The following EYS variants were observed in gnomAD, a reference collection of about 807,000 sequenced individuals.
The protein encoded by EYS is EGF-like photoreceptor maintenance factor.
Under a neutral mutation model 282.1 loss-of-function variants are expected in EYS, and 250 were observed. That is an observed-to-expected ratio of 0.89 (90% CI 0.80 to 0.98). The LOEUF (loss-of-function observed/expected upper bound fraction) is 0.98, where lower values mean the gene tolerates loss of function less well. EYS is among the 50% of genes least tolerant of loss of function. EYS has a pLI of 0.00. For synonymous variants in EYS, 1,355 were observed against 1,282.9 expected (o/e 1.06, Z -1.20); for missense variants, 4,016 against 3,709.0 (o/e 1.08, Z -2.15).
Position 63,794,867 on chromosome 6 carries a change from C to T in EYS, c.7412-5643G>A, listed in dbSNP as rs563487321. Among the ~76,000 whole-genome samples, 4 of 152,254 alleles carry T rather than the reference C, an allele frequency of 2.6e-5. 1 individual carries two copies. The South Asian group carries it at 6.2e-4, about 24-fold the overall frequency. On this transcript the variant is annotated intron_variant, in intron 37 of 42. Transcript: ENST00000503581. ...AACCCACAGTGAATCTTAATGAAATCAGCCCTAGGAAGATTTTTAGACAAG... is the reference window on the plus strand; with the variant it reads ...AACCCACAGTGAATCTTAATGAAATTAGCCCTAGGAAGATTTTTAGACAAG...
chr6:63,920,647 A>C (rs981466857), intron 35 of EYS, among the ~76,000 whole-genome samples: 1 of 152,230 alleles, frequency 6.6e-6, no homozygotes, highest in South Asian at 2.1e-4. Flanking sequence ...AGTTGGATTC[A>C]GCTTCCTGAC....
At chr6:64,636,428 CAAA>C (rs1767984374) in intron 22 of EYS, among the ~76,000 whole-genome samples, 1 of 152,130 alleles carries the variant, frequency 6.6e-6, no homozygotes, top group South Asian at 2.1e-4. Context: ...ACATCTTATA[CAAA>C]AATTAATTCA....
Position 64,591,598 on chromosome 6 carries a change from T to C in EYS, c.4269A>G (p.Pro1423=), listed in dbSNP as rs1766412284. 6.4e-7 allele frequency: 1 copy of C among 1,551,070 alleles called. No homozygotes were observed. Among genetic ancestry groups the C allele is most frequent in the Non-Finnish European group, 8.7e-7 (1 of 1,146,716 alleles). ...NCQTVALSAT[P]TTSVIRSIPG... ...GAATGCTTCTAATTACTGAAGTCGTTGGGGTAGCAGATAAAGCAACAGTCT... is the reference window on the plus strand; with the variant it reads ...GAATGCTTCTAATTACTGAAGTCGTCGGGGTAGCAGATAAAGCAACAGTCT... The change falls in exon 26 of 43, where the codon CCA becomes CCG. Residue 1423 remains proline (P), a synonymous_variant. Transcript: ENST00000503581.
intron 12 of EYS, among the ~76,000 whole-genome samples, chr6:65,210,641 A>T (rs1404499875): frequency 2.0e-5 from 3 of 152,024 alleles, no homozygotes; most frequent in Non-Finnish European, 4.4e-5. Flanking sequence ...AAAGAAAATA[A>T]ATAATAGTGT....
chr6:64,066,525 G>A, intron 32 of EYS, 34 bp from the exon 33 acceptor site: 3 of 1,339,200 alleles, frequency 2.2e-6, no homozygotes, highest in Non-Finnish European at 3.1e-6. Context: ...AGTAATTATT[G>A]TAGATTTATA....
At chr6:64,783,130 G>T (rs1773911788) in intron 22 of EYS, among the ~76,000 whole-genome samples, 1 of 151,970 alleles carries the variant, frequency 6.6e-6, no homozygotes, top group Admixed American at 6.6e-5. Context: ...CAGCCATCTT[G>T]GTCATCAGAT....
intron 28 of EYS, among the ~76,000 whole-genome samples, chr6:64,392,161 C>T (rs939614076): frequency 2.5e-5 from 2 of 79,288 alleles, no homozygotes; most frequent in African/African-American, 7.8e-5. Flanking sequence ...ACTTAGACTC[C>T]CACACATTAA....
chr6:64,938,493 A>G (rs972537738), intron 15 of EYS, among the ~76,000 whole-genome samples: 2 of 151,674 alleles, frequency 1.3e-5, no homozygotes, highest in Admixed American at 6.6e-5. Context: ...TACATAATTT[A>G]TATATAGATG....
intron 35 of EYS, among the ~76,000 whole-genome samples, chr6:63,962,636 A>T (rs1766122845): frequency 1.3e-5 from 2 of 152,160 alleles, no homozygotes; most frequent in Non-Finnish European, 2.9e-5. Context: ...TGTGGAGAAA[A>T]AGGAACACTT....
chr6:63,884,457 G>C (rs1408083179), intron 35 of EYS, among the ~76,000 whole-genome samples: 2 of 152,130 alleles, frequency 1.3e-5, no homozygotes, highest in Admixed American at 1.3e-4. Flanking sequence ...GCCTCCTGGG[G>C]TGCTGAAAAA....
chr6:64,921,492 G>A (rs1419002085), intron 15 of EYS, among the ~76,000 whole-genome samples: 3 of 152,096 alleles, frequency 2.0e-5, no homozygotes, highest in East Asian at 1.9e-4. Flanking sequence ...TGTCACTAAA[G>A]GGTCACCTGT....
intron 11 of EYS, among the ~76,000 whole-genome samples, chr6:65,308,286 GC>G (rs1321903233): frequency 2.6e-5 from 1 of 38,688 alleles, no homozygotes; most frequent in African/African-American, 9.3e-5. Flanking sequence ...TGAATAAAGA[GC>G]CTTTTAGATA....
At chr6:65,513,821 C>T (rs1767001746) in intron 2 of EYS, among the ~76,000 whole-genome samples, 1 of 151,202 alleles carries the variant, frequency 6.6e-6, no homozygotes, top group Non-Finnish European at 1.5e-5. Context: ...ATGACAAACC[C>T]ACAGCCGACA....
intron 12 of EYS, among the ~76,000 whole-genome samples, chr6:65,178,850 T>C (rs533421550): frequency 3.9e-5 from 6 of 152,126 alleles, no homozygotes; most frequent in South Asian, 2.1e-4. Flanking sequence ...ACAGAAATTA[T>C]AACAAACTGT....
chr6:65,585,940 A>T (rs1765028713), intron 2 of EYS, among the ~76,000 whole-genome samples: 1 of 152,008 alleles, frequency 6.6e-6, no homozygotes, highest in African/African-American at 2.4e-5. Context: ...TGTGGCTTTT[A>T]CCATTACTTT....
At chr6:63,746,911 T>G (rs1769223110) in intron 41 of EYS, among the ~76,000 whole-genome samples, 1 of 152,072 alleles carries the variant, frequency 6.6e-6, no homozygotes, top group South Asian at 2.1e-4. Flanking sequence ...TGTTGAAGGG[T>G]TTTCTGTGTC....
intron 33 of EYS, among the ~76,000 whole-genome samples, chr6:64,040,563 T>C (rs534133033): frequency 6.6e-6 from 1 of 152,280 alleles, no homozygotes; most frequent in African/African-American, 2.4e-5. Flanking sequence ...TTTAAATTGG[T>C]TTTGGAAATT....
intron 35 of EYS, among the ~76,000 whole-genome samples, chr6:63,940,150 AC>A (rs1765189237): frequency 6.6e-6 from 1 of 152,108 alleles, no homozygotes; most frequent in Non-Finnish European, 1.5e-5. Flanking sequence ...ATGTTATGGG[AC>A]CCATATGAAG....
intron 33 of EYS, among the ~76,000 whole-genome samples, chr6:64,062,509 T>C: frequency 6.6e-6 from 1 of 151,954 alleles, no homozygotes; most frequent in South Asian, 2.1e-4. Flanking sequence ...CTGGCCAACA[T>C]GGCAAAACCC....
Sources: allele counts gnomAD v4.1 joint callset (sites outside exome capture counted in the v4.1 genomes callset), GRCh38; gene constraint gnomAD v4.1.1; transcripts MANE v1.5; gene names NCBI Gene and HGNC (gene_info 2026-07-23, HGNC 2026-07-21).